Variants in HK3 observed in about 807,000 individuals in gnomAD.
The protein encoded by HK3 is hexokinase-3.
HK3 carries 93 observed loss-of-function variants against 91.0 expected under a neutral mutation model. The ratio of observed to expected loss-of-function variants is 1.02; its 90% CI spans 0.86 to 1.21. The LOEUF (loss-of-function observed/expected upper bound fraction) is 1.21, where lower values mean the gene tolerates loss of function less well. Among genes scored for constraint, HK3 ranks in the 50% most tolerant of loss-of-function variants. The pLI is 0.00. For synonymous variants in HK3, 519 were observed against 516.9 expected (o/e 1.00, Z -0.06); for missense variants, 1,235 against 1,247.4 (o/e 0.99, Z 0.15).
intron 8 of HK3, 80 bp downstream of exon 8, chr5:176,889,301 A>T (rs1758694255): frequency 1.4e-6 from 2 of 1,474,676 alleles, no homozygotes; most frequent in South Asian, 2.5e-5. Flanking sequence ...AGGGCCTGAG[A>T]ACAGGGACAG....
At chr5:176,886,252 A>C (rs1187041758) in intron 13 of HK3, among the ~76,000 whole-genome samples, 1 of 151,946 alleles carries the variant, frequency 6.6e-6, no homozygotes, top group African/African-American at 2.4e-5. Flanking sequence ...AATGAGTTGC[A>C]TATCAGAGAG....
At position 176,891,371 on chromosome 5, in the gene HK3, C is replaced by A; in HGVS notation, c.259+17G>T. Reference sequence around the variant, plus strand: ...CTCTTCCAGGCCTGGCCACGCATCTCAATCTATGATACCCACCAGTGCCAT... The same window carrying A: ...CTCTTCCAGGCCTGGCCACGCATCTAAATCTATGATACCCACCAGTGCCAT... On this transcript the variant is annotated intron_variant, in intron 3 of 18. Coordinates refer to ENST00000292432, the MANE Select transcript of HK3 (RefSeq NM_002115.3). 6.2e-7 allele frequency: 1 copy of A among 1,610,722 alleles called. No homozygotes were observed. The highest frequency in any genetic ancestry group is 8.5e-7 in the Non-Finnish European group (1 of 1,178,012).
Position 176,883,753 on chromosome 5 carries a change from G to A in HK3, c.2053+17C>T. ...TTGCCAAGCAGTAGGGGCATGAAAG[G>A]GCAGGGCCCTCCTCACCGACAATGA... On this transcript the variant is annotated intron_variant, in intron 15 of 18. Transcript: ENST00000292432. The A allele has an allele frequency of 6.3e-7, 1 of 1,599,146 alleles. No homozygotes were observed. Among genetic ancestry groups the A allele is most frequent in the Non-Finnish European group, 8.6e-7 (1 of 1,166,810 alleles).
intron 10 of HK3, 108 bp downstream of exon 10, chr5:176,888,224 C>T (rs1758654057): frequency 2.2e-6 from 2 of 896,382 alleles, no homozygotes; most frequent in Admixed American, 2.2e-5. Context: ...TGCCTAAGTG[C>T]CCTTCGTGTC....
At chr5:176,893,676 C>T (rs1403624290) in intron 2 of HK3, among the ~76,000 whole-genome samples, 5 of 152,152 alleles carry the variant, frequency 3.3e-5, no homozygotes, top group Non-Finnish European at 5.9e-5. Flanking sequence ...AGTAGAGTCA[C>T]GGAGAAGTCA....
chr5:176,887,873 CTCCTG>C lies in HK3; in HGVS notation c.1305-132_1305-128del. ...CAGCTTGGCCCCAGACCCCTAGGGC[CTCCTG>C]AAGCCCAAGGCCCCATCACTTTTTT... is the stretch of plus-strand genomic sequence containing the variant. On this transcript the variant is annotated intron_variant, in intron 10 of 18. Transcript: ENST00000292432. The surrounding 1 kb of genome is among the most constrained non-coding windows in gnomAD (Gnocchi z 4.9). 1 of 824,062 alleles carries C rather than the reference CTCCTG, an allele frequency of 1.2e-6. No individual in the cohort carries two copies. The highest frequency in any genetic ancestry group is 1.7e-5 in the African/African-American group (1 of 58,426). The allele number at this position is 824,062 out of a possible 1,614,324, so 51.0% of individuals were successfully genotyped here.
chr5:176,891,149 GCCCCTGTGGC>G lies in HK3; in HGVS notation c.292_301del (p.Ala98ProfsTer8). On this transcript the variant is annotated frameshift_variant, in exon 4 of 19. Transcript: ENST00000292432. LOFTEE classifies it high-confidence loss of function. ...AGTCACCCACAAAACACGCAGTGAG[GCCCCTGTGGC>G]CCCCAGCTCCAGCACCACGAAGTCT... is the stretch of plus-strand genomic sequence containing the variant. 1 of 1,614,138 alleles carries G rather than the reference GCCCCTGTGGC, an allele frequency of 6.2e-7. No homozygotes were observed. The highest frequency in any genetic ancestry group is 1.1e-5 in the South Asian group (1 of 91,088).
chr5:176,897,193 T>G (rs1409053563), intron 1 of HK3, among the ~76,000 whole-genome samples: 1 of 152,210 alleles, frequency 6.6e-6, no homozygotes, highest in Non-Finnish European at 1.5e-5. Context: ...CTCCATTTCC[T>G]CTATAACATG....
chr5:176,891,685 A>G, intron 2 of HK3, 135 bp from the exon 3 acceptor site: 1 of 841,948 alleles, frequency 1.2e-6, no homozygotes, highest in Non-Finnish European at 1.8e-6. Flanking sequence ...TCTTGCCAAC[A>G]GCCTGCACCC....
chr5:176,889,792 G>A, intron 6 of HK3, 48 bp from the exon 7 acceptor site: 1 of 1,541,518 alleles, frequency 6.5e-7, no homozygotes, highest in Non-Finnish European at 9.0e-7. Flanking sequence ...AGTGGCCAGA[G>A]GAGGGAATCC....
At chr5:176,882,555 C>G (rs1050512811) in intron 15 of HK3, among the ~76,000 whole-genome samples, 1 of 152,176 alleles carries the variant, frequency 6.6e-6, no homozygotes. Flanking sequence ...AAATCAGAGA[C>G]GAGGAGCCCC....
intron 2 of HK3, among the ~76,000 whole-genome samples, chr5:176,894,836 G>T (rs936192516): frequency 1.3e-5 from 2 of 149,348 alleles, no homozygotes; most frequent in African/African-American, 5.0e-5. Flanking sequence ...GAGTGCAGTG[G>T]TACGATCTTG....
At position 176,886,999 on chromosome 5, in the gene HK3, C is replaced by T; in HGVS notation, c.1857+3G>A. ...GGAATCACTTCTCTTGGCCCTCCCT[C>T]ACCTGGTCTAGGCCAAGCTGCCTAC... On this transcript the variant is annotated splice_donor_region_variant and intron_variant, in intron 13 of 18. Coordinates refer to ENST00000292432, the MANE Select transcript of HK3 (RefSeq NM_002115.3). The T allele has an allele frequency of 1.2e-6, 2 of 1,613,988 alleles. No homozygotes were observed. Among genetic ancestry groups the T allele is most frequent in the Non-Finnish European group, 1.7e-6 (2 of 1,179,980 alleles).
At position 176,887,593 on chromosome 5, in the gene HK3, G is replaced by T; in HGVS notation, c.1458C>A (p.Thr486=). Residue 486 remains threonine (T), a synonymous_variant, in exon 11 of 19, where the codon ACC becomes ACA. Coordinates refer to ENST00000292432, the MANE Select transcript of HK3 (RefSeq NM_002115.3). This position sits in a 1 kb window ranked among gnomAD's most constrained non-coding sequence, Gnocchi z 4.9. ...CATGGTTCAACCGGAATGGGGCCAG[G>T]GTCTCCTCCAGCAGGCGCCGGTGGG... ...LAAHRRLLEE[T]LAPFRLNHDQ... is the part of the protein sequence containing the mutation. The T allele has an allele frequency of 6.2e-7, 1 of 1,613,860 alleles. No individual in the cohort carries two copies. Among genetic ancestry groups the T allele is most frequent in the Non-Finnish European group, 8.5e-7 (1 of 1,180,004 alleles).
rs371229290 is a variant in HK3, at chr5:176,883,987, C to T, written c.1953+52G>A. 48 of 1,592,626 alleles carry T rather than the reference C, an allele frequency of 3.0e-5. 1 individual carries two copies. The highest frequency in any genetic ancestry group is 4.0e-5 in the Non-Finnish European group (47 of 1,160,794). On this transcript the variant is annotated intron_variant, in intron 14 of 18. Coordinates refer to ENST00000292432, the MANE Select transcript of HK3 (RefSeq NM_002115.3). ...CCCTCAGAAAGTAGGAGACTCTTTG[C>T]TCCCCTCAAGGCCTGCCACAGCCCC...
At chr5:176,891,927 C>T (rs564809676) in intron 2 of HK3, among the ~76,000 whole-genome samples, 1 of 152,208 alleles carries the variant, frequency 6.6e-6, no homozygotes, top group East Asian at 1.9e-4. Context: ...GTTGAACGAA[C>T]AAGAGAATAA....
intron 15 of HK3, 65 bp from the exon 16 acceptor site, chr5:176,882,192 C>G: frequency 6.4e-7 from 1 of 1,551,596 alleles, no homozygotes; most frequent in South Asian, 1.1e-5. Context: ...CTGAGCACTT[C>G]CCATACCGAG....
Position 176,889,370 on chromosome 5 carries a change from T to C in HK3, c.914+11A>G, listed in dbSNP as rs1304874634. The C allele has an allele frequency of 6.2e-7, 1 of 1,611,804 alleles. No individual in the cohort carries two copies. The highest frequency in any genetic ancestry group is 8.5e-7 in the Non-Finnish European group (1 of 1,178,488). On this transcript the variant is annotated intron_variant, in intron 8 of 18. Transcript: ENST00000292432. ...CCTGGAACCAAAGGTCAGGGCCCCC[T>C]GCCAGGTCACCTCTGAGCACCAGGA...
Position 176,887,747 on chromosome 5 carries a change from C to T in HK3, c.1305-1G>A, listed in dbSNP as rs969353016. The T allele has an allele frequency of 6.2e-7, 1 of 1,602,860 alleles. No individual in the cohort carries two copies. The highest frequency in any genetic ancestry group is 8.5e-7 in the Non-Finnish European group (1 of 1,172,006). ...TGTCCCCTGCAGGACGCTGCAGAAC[C>T]TACAGATACATACAGGTGCACCCGG... On this transcript the variant is annotated splice_acceptor_variant, in intron 10 of 18. Transcript: ENST00000292432. LOFTEE classifies it high-confidence loss of function. The surrounding 1 kb of genome is among the most constrained non-coding windows in gnomAD (Gnocchi z 4.9).
Sources: gnomAD v4.1 joint callset for allele counts (sites outside exome capture counted in the v4.1 genomes callset) on GRCh38, gnomAD v4.1.1 for gene constraint, Gnocchi (gnomAD v3.1) non-coding constraint, MANE v1.5 for transcripts, NCBI Gene and HGNC (gene_info 2026-07-23, HGNC 2026-07-21) for gene names.